The following AIRE variants were observed in gnomAD, a reference collection of about 807,000 sequenced individuals.
AIRE encodes autoimmune regulator.
In AIRE, 52 loss-of-function variants were observed where a neutral mutation model predicts 62.1. The ratio of observed to expected loss-of-function variants is 0.84; its 90% confidence interval spans 0.67 to 1.06. The LOEUF (loss-of-function observed/expected upper bound fraction) is 1.06, where lower values mean the gene tolerates loss of function less well. Among genes scored for constraint, AIRE ranks in the 50% least tolerant of loss-of-function variants. The pLI is 0.00. For missense variants in AIRE, 774 were observed against 755.8 expected (o/e 1.02, Z -0.28); for synonymous variants, 342 against 321.6 (o/e 1.06, Z -0.68).
intron 9 of AIRE, 80 bp downstream of exon 9, chr21:44,292,481 C>A: frequency 2.1e-6 from 2 of 955,730 alleles, no homozygotes; most frequent in South Asian, 2.8e-5. Context: ...GCCACCCCCT[C>A]CTGTCCGTCT....
Position 44,286,034 on chromosome 21 carries a change from C to A in AIRE, c.28C>A (p.Leu10Ile). 6.5e-7 allele frequency: 1 copy of A among 1,536,422 alleles called. No homozygotes were observed. The highest frequency in any genetic ancestry group is 8.7e-7 in the Non-Finnish European group (1 of 1,145,180). MATDAALRR[L>I]LRLHRTEIAV... ...GGCGACGGACGCGGCGCTACGCCGG[C>A]TTCTGAGGCTGCACCGCACGGAGAT... is the stretch of plus-strand genomic sequence containing the variant. The change falls in exon 1 of 14, where the codon CTT (leucine) becomes ATT (isoleucine). Residue 10 changes from leucine to isoleucine, a missense_variant. Leu to Ile is a conservative substitution (Grantham distance 5). Transcript: ENST00000291582. The surrounding 1 kb of genome is among the most constrained non-coding windows in gnomAD (Gnocchi z 6.0).
chr21:44,288,311 C>A, intron 4 of AIRE, 34 bp from the exon 5 acceptor site: 1 of 1,492,630 alleles, frequency 6.7e-7, no homozygotes. Context: ...CAGTCTTCCC[C>A]ACGGGTGACC....
Position 44,293,833 on chromosome 21 carries a change from G to A in AIRE, c.1323G>A (p.Thr441=), listed in dbSNP as rs201945690. The change falls in exon 11 of 14, where the codon ACG becomes ACA. Residue 441 remains threonine, a synonymous_variant. Transcript: ENST00000291582. ...GARCGVCGDG[T]DVLRCTHCAA... ...GTTGCGGGGTGTGCGGAGATGGTAC[G>A]GACGTGCTGCGGTGTACTCACTGCG... 131 of 1,596,956 alleles carry A rather than the reference G, an allele frequency of 8.2e-5. No homozygotes were observed. Among genetic ancestry groups the A allele is most frequent in the East Asian group, 5.1e-4 (23 of 44,866 alleles).
chr21:44,295,866 C>A (rs1236598981), intron 12 of AIRE, among the ~76,000 whole-genome samples: 2 of 149,592 alleles, frequency 1.3e-5, no homozygotes, highest in Non-Finnish European at 2.9e-5. Flanking sequence ...CGCCAGTGTT[C>A]ACCCGAGTGG....
rs777055856 is a variant in AIRE at position 44,293,782 on chromosome 21, C to T, written c.1279-7C>T. The T allele has an allele frequency of 1.3e-6, 2 of 1,596,122 alleles. No homozygotes were observed. Among genetic ancestry groups the T allele is most frequent in the East Asian group, 2.2e-5 (1 of 44,870 alleles). Reference sequence around the variant, plus strand: ...CCCGCGTCACCCCGCGCTGTTGCCTCCCACAGAACCTGGCTCCTGGTGCGC... The same window carrying T: ...CCCGCGTCACCCCGCGCTGTTGCCTTCCACAGAACCTGGCTCCTGGTGCGC... On this transcript the variant is annotated splice_region_variant and splice_polypyrimidine_tract_variant and intron_variant, in intron 10 of 13. Coordinates refer to ENST00000291582, the MANE Select transcript of AIRE (RefSeq NM_000383.4).
intron 10 of AIRE, 83 bp from the exon 11 acceptor site, chr21:44,293,706 G>A (rs903967677): frequency 4.4e-6 from 7 of 1,583,140 alleles, no homozygotes; most frequent in Non-Finnish European, 6.0e-6. Context: ...GTGGTCCCAG[G>A]GGAGAGCGCA....
intron 11 of AIRE, 44 bp from the exon 12 acceptor site, chr21:44,294,357 C>G: frequency 1.4e-6 from 2 of 1,389,226 alleles, no homozygotes; most frequent in Non-Finnish European, 2.0e-6. Context: ...AGGTGGCACT[C>G]CTGCTCCCCC....
chr21:44,290,039 G>T lies in AIRE; in HGVS notation c.850G>T (p.Ala284Ser). The T allele has an allele frequency of 6.2e-7, 1 of 1,612,010 alleles. No homozygotes were observed. Among genetic ancestry groups the T allele is most frequent in the Non-Finnish European group, 8.5e-7 (1 of 1,179,704 alleles). Reference sequence around the variant, plus strand: ...GCAGGGCAGCGTTCCCGCCCCTCTGGCCCTCCCCAGTGACCCCCAGCTCCA... The same window carrying T: ...GCAGGGCAGCGTTCCCGCCCCTCTGTCCCTCCCCAGTGACCCCCAGCTCCA... ...GQQGSVPAPL[A>S]LPSDPQLHQK... Residue 284 changes from alanine to serine, a missense_variant, in exon 7 of 14, where the codon GCC becomes TCC. Coordinates refer to ENST00000291582, the MANE Select transcript of AIRE (RefSeq NM_000383.4).
At position 44,290,742 on chromosome 21, in the gene AIRE, A is replaced by G. The variant is rs1253405185; in HGVS notation, c.880-353A>G. ...GGTGGGGGCTGCAGGTGGAGGATTC[A>G]GCAGGCGCTGAGGTCGGGAGAGACC... On this transcript the variant is annotated intron_variant, in intron 7 of 13. Transcript: ENST00000291582. The G allele has an allele frequency of 2.1e-6, 3 of 1,418,138 alleles. No homozygotes were observed. In the East Asian group the frequency reaches 1.1e-4, roughly 53 times the overall value. 87.8% of individuals were successfully genotyped at this position (1,418,138 alleles called of 1,614,324 possible). A position where few individuals can be genotyped will look rare whatever the true frequency, so the allele number is the denominator to read the frequency against.
In AIRE at chr21:44,293,837, G is replaced by A. The variant is rs557522986; in HGVS notation, c.1327G>A (p.Val443Met). 107 of 1,596,998 alleles carry A rather than the reference G, an allele frequency of 6.7e-5. No homozygotes were observed. Among genetic ancestry groups the A allele is most frequent in the Admixed American group, 5.3e-4 (32 of 59,966 alleles). Residue 443 changes from valine to methionine, a missense_variant, in exon 11 of 14, where the codon GTG becomes ATG. Physicochemically the swap from Val to Met is conservative, Grantham distance 21. Transcript: ENST00000291582. The stretch of plus-strand genomic sequence containing the variant: ...CGGGGTGTGCGGAGATGGTACGGAC[G>A]TGCTGCGGTGTACTCACTGCGCCGC... ...RCGVCGDGTD[V>M]LRCTHCAAAF... is the part of the protein sequence containing the mutation.
At position 44,297,268 on chromosome 21, in the gene AIRE, G is replaced by A. The variant is rs561857887; in HGVS notation, c.1567-388G>A. Among the ~76,000 whole-genome samples the A allele has an allele frequency of 2.2e-4, 33 of 152,332 alleles. No homozygotes were observed. The highest frequency in any genetic ancestry group is 7.2e-4 in the Admixed American group (11 of 15,310). ...GTGGGGCCCGTGGCCCCATCCTGTG[G>A]GAGCATCAGGCTCCTGAGCAGAATA... is the stretch of plus-strand genomic sequence containing the variant. On this transcript the variant is annotated intron_variant, in intron 13 of 13. Coordinates refer to ENST00000291582, the MANE Select transcript of AIRE (RefSeq NM_000383.4). The surrounding 1 kb of genome is among the most constrained non-coding windows in gnomAD (Gnocchi z 4.8).
chr21:44,289,847 C>G, intron 6 of AIRE, 45 bp downstream of exon 6: 1 of 1,611,420 alleles, frequency 6.2e-7, no homozygotes, highest in South Asian at 1.1e-5. Flanking sequence ...TTGATGCCCC[C>G]CGCCCCAGGA....
Position 44,293,762 on chromosome 21 carries a change from G to A in AIRE, c.1279-27G>A, listed in dbSNP as rs780336146. ...AGCTACATTTCCCCCGGCCCCCCGC[G>A]TCACCCCGCGCTGTTGCCTCCCACA... is the stretch of plus-strand genomic sequence containing the variant. On this transcript the variant is annotated intron_variant, in intron 10 of 13. Transcript: ENST00000291582. 6.9e-6 allele frequency: 11 copies of A among 1,595,542 alleles called. 1 individual carries two copies. The highest frequency in any genetic ancestry group is 4.4e-5 in the South Asian group (4 of 90,968).
intron 8 of AIRE, 140 bp downstream of exon 8, chr21:44,291,350 G>A (rs2040538649): frequency 2.2e-6 from 3 of 1,388,720 alleles, no homozygotes; most frequent in East Asian, 2.5e-5. Context: ...TGGGCCGTGG[G>A]GCCGGGGCCT....
Position 44,294,419 on chromosome 21 carries a change from A to C in AIRE, c.1419A>C (p.Arg473Ser). 6.3e-7 allele frequency: 1 copy of C among 1,576,836 alleles called. No homozygotes were observed. The highest frequency in any genetic ancestry group is 8.6e-7 in the Non-Finnish European group (1 of 1,169,412). ...GCTGCAGGACGGGCCTGCGCTGCAG[A>C]TCCTGCTCAGGAGACGTGACCCCAG... is the stretch of plus-strand genomic sequence containing the variant. ...TSRPGTGLRCRSCSGDVTPAP... is the reference protein window; with the variant it reads ...TSRPGTGLRCSSCSGDVTPAP... The change falls in exon 12 of 14, where the codon AGA becomes AGC. Residue 473 changes from arginine to serine, a missense_variant. This residue lies in a region of AIRE where 354 missense variants were observed against 296.1 expected (regional missense o/e 1.20). Coordinates refer to ENST00000291582, the MANE Select transcript of AIRE (RefSeq NM_000383.4).
At chr21:44,295,812 G>A (rs766731444) in intron 12 of AIRE, among the ~76,000 whole-genome samples, 2 of 152,034 alleles carry the variant, frequency 1.3e-5, no homozygotes, top group Non-Finnish European at 2.9e-5. Flanking sequence ...CCTCCAGACC[G>A]GGCAGCCCCT....
At position 44,293,776 on chromosome 21, in the gene AIRE, T is replaced by C; in HGVS notation, c.1279-13T>C. The C allele has an allele frequency of 6.3e-7, 1 of 1,595,968 alleles. No individual in the cohort carries two copies. On this transcript the variant is annotated splice_polypyrimidine_tract_variant and intron_variant, in intron 10 of 13. Coordinates refer to ENST00000291582, the MANE Select transcript of AIRE (RefSeq NM_000383.4). ...CGGCCCCCCGCGTCACCCCGCGCTG[T>C]TGCCTCCCACAGAACCTGGCTCCTG...
chr21:44,298,152 A>C lies in AIRE; in HGVS notation c.*425A>C. On this transcript the variant is annotated 3_prime_UTR_variant, in exon 14 of 14. Coordinates refer to ENST00000291582, the MANE Select transcript of AIRE (RefSeq NM_000383.4). ...CGTCTCAAAAACAAAACAAAACAAA[A>C]AAACCACATAACATAAATTTATCAT... is the stretch of plus-strand genomic sequence containing the variant. 1 of 245,724 alleles carries C rather than the reference A, an allele frequency of 4.1e-6. No homozygotes were observed. Among genetic ancestry groups the C allele is most frequent in the South Asian group, 4.8e-5 (1 of 21,040 alleles). 15.2% of individuals were successfully genotyped at this position (245,724 alleles called of 1,614,324 possible). A position where few individuals can be genotyped will look rare whatever the true frequency, so the allele number is the denominator to read the frequency against.
At chr21:44,296,258 C>A (rs570732500) in intron 12 of AIRE, 125 bp from the exon 13 acceptor site, 357 of 912,694 alleles carry the variant, frequency 3.9e-4, no homozygotes, top group Non-Finnish European at 5.9e-4. Flanking sequence ...CCCAGTGGAG[C>A]TGGGTGTAAG....
Sources: allele counts gnomAD v4.1 joint callset (sites outside exome capture counted in the v4.1 genomes callset), GRCh38; gene constraint gnomAD v4.1.1; regional missense constraint gnomAD v4.1.1; non-coding constraint Gnocchi (gnomAD v3.1); transcripts MANE v1.5; gene names NCBI Gene and HGNC (gene_info 2026-07-23, HGNC 2026-07-21).